Variants in BNIP3L observed in about 807,000 individuals in gnomAD.
BNIP3L encodes the protein BCL2/adenovirus E1B 19 kDa protein-interacting protein 3-like.
A neutral mutation model predicts 25.5 loss-of-function variants in BNIP3L; 10 were observed. The observed-to-expected ratio is 0.39, with a 90% CI of 0.24 to 0.67. The LOEUF is 0.67. Ranked by LOEUF, BNIP3L falls within the 30% of genes least tolerant of loss-of-function variation. BNIP3L has a pLI of 0.45. For missense variants in BNIP3L, 215 were observed against 270.9 expected, an observed-to-expected ratio of 0.79 and a Z score of 1.45; for synonymous variants, 113 against 101.2, an observed-to-expected ratio of 1.12 and a Z score of -0.70.
intron 3 of BNIP3L, among the ~76,000 whole-genome samples, chr8:26,401,935 A>AC (rs1806392800): frequency 6.6e-6 from 1 of 152,234 alleles, no homozygotes; most frequent in Non-Finnish European, 1.5e-5. Context: ...TAAAAGTGTC[A>AC]TTAGAGTACA....
At chr8:26,386,832 G>A (rs1448608233) in intron 1 of BNIP3L, among the ~76,000 whole-genome samples, 1 of 152,074 alleles carries the variant, frequency 6.6e-6, no homozygotes, top group African/African-American at 2.4e-5. Flanking sequence ...GAATACCTAC[G>A]TAACTTGTAT....
chr8:26,386,996 C>T (rs1264698130), intron 1 of BNIP3L, among the ~76,000 whole-genome samples: 1 of 152,090 alleles, frequency 6.6e-6, no homozygotes, highest in Non-Finnish European at 1.5e-5. Context: ...GAATGAAAAG[C>T]TTTGAGGAAA....
chr8:26,410,528 C>T lies in BNIP3L; in HGVS notation c.*116C>T. Reference sequence around the variant, plus strand: ...GACCCAACCTACCACCCTGTTTTTACATATCCAATTCCAGTAACTCTCAAA... The same window carrying T: ...GACCCAACCTACCACCCTGTTTTTATATATCCAATTCCAGTAACTCTCAAA... On this transcript the variant is annotated 3_prime_UTR_variant, in exon 6 of 6. Coordinates refer to ENST00000380629, the MANE Select transcript of BNIP3L (RefSeq NM_004331.3). 8.6e-7 allele frequency: 1 copy of T among 1,162,776 alleles called. No homozygotes were observed. Among genetic ancestry groups the T allele is most frequent in the Non-Finnish European group, 1.3e-6 (1 of 783,090 alleles). 72.0% of individuals were successfully genotyped at this position (1,162,776 alleles called of 1,614,324 possible).
chr8:26,395,511 G>A, intron 3 of BNIP3L: 1 of 529,068 alleles, frequency 1.9e-6, no homozygotes, highest in Non-Finnish European at 3.3e-6. Flanking sequence ...TAAACGAATT[G>A]GAAAATTCTT....
At chr8:26,398,623 C>T (rs1194072914) in intron 3 of BNIP3L, among the ~76,000 whole-genome samples, 3 of 131,012 alleles carry the variant, frequency 2.3e-5, no homozygotes, top group Admixed American at 7.7e-5. Context: ...TAACTAAAAT[C>T]AGAGCAGAAC....
intron 3 of BNIP3L, among the ~76,000 whole-genome samples, chr8:26,406,741 G>C (rs1350883801): frequency 6.6e-6 from 1 of 151,486 alleles, no homozygotes; most frequent in Admixed American, 6.6e-5. Context: ...AGAATTAATT[G>C]AGCCCAGGAG....
At chr8:26,410,261 C>A in intron 5 of BNIP3L, 103 bp from the exon 6 acceptor site, 1 of 1,340,010 alleles carries the variant, frequency 7.5e-7, no homozygotes, top group Admixed American at 1.9e-5. Flanking sequence ...ACCTTTAGAG[C>A]CTTTTACAAA....
chr8:26,406,165 T>C (rs1363156324), intron 3 of BNIP3L, among the ~76,000 whole-genome samples: 2 of 152,262 alleles, frequency 1.3e-5, no homozygotes, highest in Non-Finnish European at 2.9e-5. Flanking sequence ...CCTGAAACTT[T>C]AGGTTATAAT....
At chr8:26,383,472 G>C (rs1329018712) in intron 1 of BNIP3L, 4 of 1,312,698 alleles carry the variant, frequency 3.0e-6, no homozygotes, top group Non-Finnish European at 3.9e-6. Flanking sequence ...GTCCGGGAGC[G>C]GCGCGGGTAG....
rs749811787 is a variant in BNIP3L, at chr8:26,408,297, G to A, written c.532G>A (p.Gly178Arg). 1.9e-6 allele frequency: 3 copies of A among 1,614,082 alleles called. No individual in the cohort carries two copies. The highest frequency in any genetic ancestry group is 3.3e-5 in the Admixed American group (2 of 60,010). The part of the protein sequence containing the change: ...SMRKSGAMKK[G>R]GIFSAEFLKV... Reference sequence around the variant, plus strand: ...GAGGAAAAGTGGAGCCATGAAGAAAGGGGGTATTTTCTCCGCAGAATTTCT... The same window carrying A: ...GAGGAAAAGTGGAGCCATGAAGAAAAGGGGTATTTTCTCCGCAGAATTTCT... The change falls in exon 5 of 6, where the codon GGG (glycine) becomes AGG (arginine). Residue 178 changes from glycine to arginine, a missense_variant. Transcript: ENST00000380629.
chr8:26,405,314 G>A (rs1806475181), intron 3 of BNIP3L, among the ~76,000 whole-genome samples: 1 of 152,206 alleles, frequency 6.6e-6, no homozygotes, highest in African/African-American at 2.4e-5. Context: ...GAACTGATGT[G>A]CAAGTAAATT....
In BNIP3L at chr8:26,410,352, G is replaced by C. The variant is rs767431406; in HGVS notation, c.612-12G>C. On this transcript the variant is annotated splice_polypyrimidine_tract_variant and intron_variant, in intron 5 of 5. Coordinates refer to ENST00000380629, the MANE Select transcript of BNIP3L (RefSeq NM_004331.3). ...GAAACAGGTGAAACATGATGCTTCT[G>C]CTTCCTTTCAGCATCTATATTGGAA... 2.5e-6 allele frequency: 4 copies of C among 1,613,900 alleles called. No homozygotes were observed. In the African/African-American group the frequency reaches 5.3e-5, roughly 22 times the overall value.
intron 1 of BNIP3L, 71 bp downstream of exon 1, chr8:26,383,301 C>A (rs1304913146): frequency 6.5e-7 from 1 of 1,548,454 alleles, no homozygotes; most frequent in Non-Finnish European, 8.7e-7. Context: ...GCCACCGGCG[C>A]GGCGCGGGAG....
rs762225757 is a variant in BNIP3L, at chr8:26,391,430, AG to A, written c.284+5del. ...GAGGCAGTTCTCACTGTGACAGGTA[AG>A]TGAGACCCATGTTTTGGTGGAATTC... On this transcript the variant is annotated splice_donor_5th_base_variant and intron_variant, in intron 2 of 5. Coordinates refer to ENST00000380629, the MANE Select transcript of BNIP3L (RefSeq NM_004331.3). 1 of 1,534,324 alleles carries A rather than the reference AG, an allele frequency of 6.5e-7. No homozygotes were observed. Among genetic ancestry groups the A allele is most frequent in the Admixed American group, 2.0e-5 (1 of 49,600 alleles).
Position 26,408,222 on chromosome 8 carries a change from C to A in BNIP3L, c.462-5C>A. On this transcript the variant is annotated splice_polypyrimidine_tract_variant and splice_region_variant and intron_variant, in intron 4 of 5. Coordinates refer to ENST00000380629, the MANE Select transcript of BNIP3L (RefSeq NM_004331.3). ...ATGACATCTGCCTCTGAATTTCTTT[C>A]TCAGGGAGTTCCACTTCAGACACCC... The A allele has an allele frequency of 6.2e-7, 1 of 1,613,104 alleles. No homozygotes were observed. The highest frequency in any genetic ancestry group is 1.1e-5 in the South Asian group (1 of 91,052).
chr8:26,408,484 T>C, intron 5 of BNIP3L, 108 bp downstream of exon 5: 1 of 1,311,368 alleles, frequency 7.6e-7, no homozygotes, highest in Non-Finnish European at 1.1e-6. Context: ...TTTCAATGTT[T>C]TAGTGCAAAT....
At position 26,392,146 on chromosome 8, in the gene BNIP3L, A is replaced by AT. The variant is rs200873769; in HGVS notation, c.284+722dup. Among the ~76,000 whole-genome samples, 26 of 149,744 alleles carry AT rather than the reference A, an allele frequency of 1.7e-4. No individual in the cohort carries two copies. The East Asian group carries it at 5.1e-3, about 29-fold the overall frequency. ...TATGTGTGTGGAATGAAACCAGGTC[A>AT]TTATTTTTTAGTATAAACTTTTCTG... On this transcript the variant is annotated intron_variant, in intron 2 of 5. Transcript: ENST00000380629.
intron 2 of BNIP3L, among the ~76,000 whole-genome samples, chr8:26,393,571 T>C (rs1806161853): frequency 6.6e-6 from 1 of 151,094 alleles, no homozygotes. Context: ...TTAGGAGGAG[T>C]AAACAGTTTA....
At chr8:26,386,471 GTCAC>G (rs1257784004) in intron 1 of BNIP3L, among the ~76,000 whole-genome samples, 1 of 151,428 alleles carries the variant, frequency 6.6e-6, no homozygotes, top group African/African-American at 2.4e-5. Context: ...GTCTTGCTTT[GTCAC>G]CCAAACTGGA....
Sources: allele counts gnomAD v4.1 joint callset (sites outside exome capture counted in the v4.1 genomes callset), GRCh38; gene constraint gnomAD v4.1.1; transcripts MANE v1.5; gene names NCBI Gene and HGNC (gene_info 2026-07-23, HGNC 2026-07-21).